YTHDC1: variants seen among roughly 807,000 people sequenced by gnomAD.
The protein encoded by YTHDC1 is YTH N6-methyladenosine RNA binding protein C1, also known as YTH domain-containing protein 1.
A neutral mutation model predicts 107.0 loss-of-function variants in YTHDC1; 12 were observed. The ratio of observed to expected loss-of-function variants is 0.11; its 90% CI spans 0.07 to 0.18. The LOEUF is 0.18. Among genes scored for constraint, YTHDC1 ranks in the 10% least tolerant of loss-of-function variants. The pLI, the probability that YTHDC1 is intolerant of heterozygous loss-of-function variation, is 1.00. For missense variants in YTHDC1, 635 were observed against 898.8 expected, an observed-to-expected ratio of 0.71 and a Z score of 3.75; for synonymous variants, 280 against 289.5, an observed-to-expected ratio of 0.97 and a Z score of 0.33.
rs745861217 is a variant in YTHDC1, at chr4:68,316,447, G to A, written c.1826C>T (p.Pro609Leu). 1.2e-6 allele frequency: 2 copies of A among 1,609,802 alleles called. No homozygotes were observed. The highest frequency in any genetic ancestry group is 1.7e-5 in the Admixed American group (1 of 59,052). Residue 609 changes from proline to leucine, a missense_variant and splice_region_variant, in exon 16 of 17, where the codon CCC becomes CTC. By Grantham distance (98) the Pro-to-Leu change is moderately conservative (BLOSUM62 -3). Coordinates refer to ENST00000344157, the MANE Select transcript of YTHDC1 (RefSeq NM_001031732.4). Reference protein sequence around the residue: ...MGPPPPWQGMPPYPGMEQPPH... With the variant: ...MGPPPPWQGMLPYPGMEQPPH... ...AGGTTGTTCCATTCCTGGGTAAGGG[G>A]GCTAAAAAAGGAAAACCATTTACAT...
At chr4:68,316,214 G>A in intron 16 of YTHDC1, 100 bp downstream of exon 16, 1 of 1,317,060 alleles carries the variant, frequency 7.6e-7, no homozygotes, top group Non-Finnish European at 1.0e-6. Flanking sequence ...GTAAGAATAT[G>A]CAATGGTCCG....
intron 1 of YTHDC1, among the ~76,000 whole-genome samples, chr4:68,347,673 G>A (rs1040269745): frequency 5.9e-5 from 9 of 152,130 alleles, no homozygotes; most frequent in African/African-American, 2.2e-4. Context: ...AGAACTTAAC[G>A]TTTGTGACAT....
intron 15 of YTHDC1, among the ~76,000 whole-genome samples, chr4:68,318,127 TC>T (rs1722063955): frequency 6.6e-6 from 1 of 152,212 alleles, no homozygotes; most frequent in Non-Finnish European, 1.5e-5. Flanking sequence ...AGATGGAGTC[TC>T]CCTCTGTTGC....
chr4:68,336,879 T>C, intron 4 of YTHDC1, 148 bp downstream of exon 4: 1 of 1,151,180 alleles, frequency 8.7e-7, no homozygotes, highest in Non-Finnish European at 1.2e-6. Flanking sequence ...TTCAAATGTA[T>C]TTATAACATT....
intron 12 of YTHDC1, among the ~76,000 whole-genome samples, 183 bp downstream of exon 12, chr4:68,319,940 C>G (rs1722267795): frequency 6.6e-6 from 1 of 151,972 alleles, no homozygotes; most frequent in Non-Finnish European, 1.5e-5. Context: ...GACTAGACAA[C>G]CTTAACGAAG....
Position 68,314,126 on chromosome 4 carries a change from T to C in YTHDC1, c.2157A>G (p.Arg719=). 1 of 1,614,088 alleles carries C rather than the reference T, an allele frequency of 6.2e-7. No homozygotes were observed. Among genetic ancestry groups the C allele is most frequent in the South Asian group, 1.1e-5 (1 of 91,082 alleles). Residue 719 remains arginine (R), a synonymous_variant, in exon 17 of 17, where the codon CGA becomes CGG. Coordinates refer to ENST00000344157, the MANE Select transcript of YTHDC1 (RefSeq NM_001031732.4). ...RERLCDRDRD[R]GERGRYRR ...ATCTTCTATATCGACCTCTCTCCCC[T>C]CGGTCTCTGTCTCGATCACATAATC...
At chr4:68,341,679 T>A (rs560993019) in intron 1 of YTHDC1, among the ~76,000 whole-genome samples, 3 of 152,052 alleles carry the variant, frequency 2.0e-5, no homozygotes, top group African/African-American at 7.2e-5. Flanking sequence ...ACCCCTGATA[T>A]AATACAAATG....
chr4:68,328,766 C>CATTGTGTGAACATCACAGAATGCACTT (rs1723259617), intron 9 of YTHDC1, among the ~76,000 whole-genome samples: 1 of 152,178 alleles, frequency 6.6e-6, no homozygotes, highest in African/African-American at 2.4e-5. Context: ...TAGGTGATTT[C>CATTGTGTGAACATCACAGAATGCACTT]ATTGTGTGAA....
intron 12 of YTHDC1, 33 bp downstream of exon 12, chr4:68,320,088 GAA>G (rs770988730): frequency 2.0e-6 from 3 of 1,517,314 alleles, no homozygotes; most frequent in Non-Finnish European, 2.7e-6. Context: ...CCAATAATTT[GAA>G]ATCAAATATC....
rs1324592450 is a variant in YTHDC1 at position 68,344,859 on chromosome 4, A to G, written c.28+4867T>C. Among the ~76,000 whole-genome samples the G allele has an allele frequency of 1.1e-4, 16 of 152,210 alleles. No individual in the cohort carries two copies. The East Asian group carries it at 3.1e-3, about 29-fold the overall frequency. On this transcript the variant is annotated intron_variant, in intron 1 of 16. Transcript: ENST00000344157. ...GAAATCTGCTTGGGCAACATGATGAAACCCCATCTCTACAAAAAACACAAA... is the reference window on the plus strand; with the variant it reads ...GAAATCTGCTTGGGCAACATGATGAGACCCCATCTCTACAAAAAACACAAA...
rs185986386 is a variant in YTHDC1 at position 68,323,021 on chromosome 4, A to C, written c.1435-106T>G. 40 of 1,090,014 alleles carry C rather than the reference A, an allele frequency of 3.7e-5. No individual in the cohort carries two copies. In the Middle Eastern group the frequency reaches 7.9e-4, roughly 21 times the overall value. 67.5% of individuals were successfully genotyped at this position (1,090,014 alleles called of 1,614,324 possible). A position where few individuals can be genotyped will look rare whatever the true frequency, so the allele number is the denominator to read the frequency against. Reference sequence around the variant, plus strand: ...AAACTGACTTGGAAGCTTTCTTCCCAAGGCTGATGATCATATGGGATTCCA... The same window carrying C: ...AAACTGACTTGGAAGCTTTCTTCCCCAGGCTGATGATCATATGGGATTCCA... On this transcript the variant is annotated intron_variant, in intron 10 of 16. Transcript: ENST00000344157.
At chr4:68,320,474 G>GT in intron 11 of YTHDC1, among the ~76,000 whole-genome samples, 1 of 152,150 alleles carries the variant, frequency 6.6e-6, no homozygotes, top group East Asian at 1.9e-4. Flanking sequence ...ATCAAAACAT[G>GT]TAAGTCACAT....
At chr4:68,330,632 C>T (rs990698492) in intron 7 of YTHDC1, among the ~76,000 whole-genome samples, 2 of 152,100 alleles carry the variant, frequency 1.3e-5, no homozygotes, top group African/African-American at 4.8e-5. Context: ...CAACCATTTA[C>T]TGTGGTAAAT....
rs1436725235 is a variant in YTHDC1 at position 68,332,029 on chromosome 4, GA to G, written c.1122+73del. ...GAAAATCATAATACCTATGCTACTT[GA>G]TATAATACAAGTCTATTTTCCCATT... On this transcript the variant is annotated intron_variant, in intron 7 of 16. Transcript: ENST00000344157. 3.0e-4 allele frequency: 269 copies of G among 886,344 alleles called. 1 individual carries two copies. The African/African-American group carries it at 4.2e-3, about 14-fold the overall frequency. The allele number at this position is 886,344 out of a possible 1,614,324, so 54.9% of individuals were successfully genotyped here. A position where few individuals can be genotyped will look rare whatever the true frequency, so the allele number is the denominator to read the frequency against.
intron 11 of YTHDC1, among the ~76,000 whole-genome samples, chr4:68,321,735 T>C (rs1321923105): frequency 6.6e-6 from 1 of 152,216 alleles, no homozygotes; most frequent in Non-Finnish European, 1.5e-5. Flanking sequence ...TTGGATTATC[T>C]GTACCTACCA....
At chr4:68,336,393 TATAG>T (rs1210117230) in intron 4 of YTHDC1, among the ~76,000 whole-genome samples, 2 of 152,036 alleles carry the variant, frequency 1.3e-5, no homozygotes, top group African/African-American at 4.8e-5. Flanking sequence ...GTCTCATAGG[TATAG>T]AGAGGCAGGA....
intron 1 of YTHDC1, chr4:68,344,134 G>A (rs892142969): frequency 2.2e-4 from 33 of 151,818 alleles, no homozygotes; most frequent in African/African-American, 7.5e-4. Context: ...GAGACAATCT[G>A]GGTTTGTATC....
In YTHDC1 at chr4:68,337,410, C is replaced by G. The variant is rs1724308113; in HGVS notation, c.500G>C (p.Ser167Thr). The G allele has an allele frequency of 6.2e-7, 1 of 1,614,044 alleles. No individual in the cohort carries two copies. The highest frequency in any genetic ancestry group is 1.3e-5 in the African/African-American group (1 of 74,930). ...LEVDRRASRS[S>T]QSSKEEVNSE... ...GTTCACTTCTTCCTTAGAAGACTGG[C>G]TGGATCTGCTTGCACGTCTATCCAC... The change falls in exon 4 of 17, where the codon AGC becomes ACC. Residue 167 changes from serine to threonine, a missense_variant. Transcript: ENST00000344157.
chr4:68,329,418 T>G (rs1723338704), intron 9 of YTHDC1, among the ~76,000 whole-genome samples: 1 of 152,210 alleles, frequency 6.6e-6, no homozygotes, highest in Admixed American at 6.5e-5. Flanking sequence ...CAGACACTTT[T>G]TAACTAAAAT....
Sources: gnomAD v4.1 joint callset for allele counts (sites outside exome capture counted in the v4.1 genomes callset) on GRCh38, gnomAD v4.1.1 for gene constraint, MANE v1.5 for transcripts, NCBI Gene and HGNC (gene_info 2026-07-23, HGNC 2026-07-21) for gene names.